The following LRP1B variants were observed in gnomAD, a reference collection of about 807,000 sequenced individuals.
The protein encoded by LRP1B is low-density lipoprotein receptor-related protein 1B.
In LRP1B, 217 loss-of-function variants were observed where a neutral mutation model predicts 556.6. That is an observed-to-expected ratio of 0.39 (90% CI 0.35 to 0.44). LRP1B has a LOEUF of 0.44. Ranked by LOEUF, LRP1B falls within the 20% of genes least tolerant of loss-of-function variation. The probability of loss-of-function intolerance (pLI) is 1.00; values close to 1 mark genes in which losing one functional copy is unlikely to be tolerated. For missense variants in LRP1B, 5,053 were observed against 5,620.8 expected (o/e 0.90, Z 3.23); for synonymous variants, 2,047 against 1,865.8 (o/e 1.10, Z -2.50).
At chr2:141,299,714 TC>T (rs1463211451) in intron 3 of LRP1B, among the ~76,000 whole-genome samples, 1 of 152,216 alleles carries the variant, frequency 6.6e-6, no homozygotes, top group Non-Finnish European at 1.5e-5. Flanking sequence ...TTCAAAAAAC[TC>T]ATTCTAAAAT....
chr2:141,222,172 T>C (rs1332941023), intron 6 of LRP1B, among the ~76,000 whole-genome samples: 1 of 151,894 alleles, frequency 6.6e-6, no homozygotes, highest in Non-Finnish European at 1.5e-5. Context: ...GAAAAGAGAA[T>C]ATTCAAATAG....
At chr2:141,564,762 A>G (rs948528987) in intron 2 of LRP1B, among the ~76,000 whole-genome samples, 6 of 152,136 alleles carry the variant, frequency 3.9e-5, no homozygotes, top group African/African-American at 1.4e-4. Context: ...TCGAACAGAG[A>G]ACAATGTAAA....
chr2:142,116,709 A>C (rs1707288926), intron 1 of LRP1B, among the ~76,000 whole-genome samples: 1 of 152,184 alleles, frequency 6.6e-6, no homozygotes, highest in Admixed American at 6.6e-5. Context: ...TTAGACTTAC[A>C]AATTTTCTGT....
rs1700564107 is a variant in LRP1B, at chr2:141,104,783, T to C, written c.1014-42510A>G. On this transcript the variant is annotated intron_variant, in intron 7 of 90. Transcript: ENST00000389484. ...CTGAATGAGAATGGTACTCCAGATTTGATATATTCTCCCCTTTCTGGATTT... is the reference window on the plus strand; with the variant it reads ...CTGAATGAGAATGGTACTCCAGATTCGATATATTCTCCCCTTTCTGGATTT... Among the ~76,000 whole-genome samples the C allele has an allele frequency of 2.0e-5, 3 of 152,152 alleles. No homozygotes were observed. In the South Asian group the frequency reaches 6.2e-4, roughly 32 times the overall value.
intron 3 of LRP1B, among the ~76,000 whole-genome samples, chr2:141,316,482 G>A (rs114627693): frequency 0.012 from 1,808 of 152,160 alleles, 39 homozygotes; most frequent in African/African-American, 0.041. Context: ...GTAAATAAAA[G>A]CATTTAAAAA....
intron 83 of LRP1B, among the ~76,000 whole-genome samples, chr2:140,311,063 T>C (rs961903549): frequency 1.3e-5 from 2 of 151,888 alleles, no homozygotes; most frequent in Non-Finnish European, 1.5e-5. Context: ...GGAACACTTA[T>C]ACGCTGTTGG....
intron 1 of LRP1B, among the ~76,000 whole-genome samples, chr2:142,038,839 A>G (rs1184302865): frequency 1.3e-5 from 2 of 151,632 alleles, no homozygotes; most frequent in Admixed American, 6.6e-5. Context: ...TTTGGTGTTC[A>G]TCTAATCATT....
intron 1 of LRP1B, among the ~76,000 whole-genome samples, chr2:141,877,195 T>C (rs1307634418): frequency 6.6e-6 from 1 of 151,982 alleles, no homozygotes; most frequent in Non-Finnish European, 1.5e-5. Context: ...GTGTTAAACA[T>C]TAGTTTTTTT....
intron 1 of LRP1B, among the ~76,000 whole-genome samples, chr2:142,001,143 G>A (rs534069373): frequency 5.3e-5 from 8 of 152,068 alleles, no homozygotes; most frequent in Admixed American, 6.6e-5. Flanking sequence ...CCCCAACCCC[G>A]TGGAACTGCA....
At chr2:141,280,227 C>T (rs2105385991) in intron 3 of LRP1B, among the ~76,000 whole-genome samples, 1 of 152,144 alleles carries the variant, frequency 6.6e-6, no homozygotes, top group South Asian at 2.1e-4. Context: ...ACCACATAGT[C>T]CCAAGAGACA....
intron 80 of LRP1B, among the ~76,000 whole-genome samples, chr2:140,325,215 A>C (rs1227628489): frequency 6.6e-6 from 1 of 152,030 alleles, no homozygotes; most frequent in Admixed American, 6.6e-5. Context: ...GAGACAGTAA[A>C]AAATAGGAGC....
intron 2 of LRP1B, among the ~76,000 whole-genome samples, chr2:141,715,189 C>T (rs532499726): frequency 6.5e-4 from 99 of 152,150 alleles, no homozygotes; most frequent in African/African-American, 2.3e-3. Context: ...GCAATTTTGC[C>T]GGGCGTGGTG....
At chr2:140,726,484 C>T (rs572156968) in intron 35 of LRP1B, among the ~76,000 whole-genome samples, 2 of 152,214 alleles carry the variant, frequency 1.3e-5, no homozygotes, top group South Asian at 2.1e-4. Context: ...CCTCCACTCC[C>T]GATAAGCTGG....
intron 2 of LRP1B, among the ~76,000 whole-genome samples, chr2:141,784,872 C>T (rs567315170): frequency 6.6e-5 from 10 of 152,056 alleles, no homozygotes; most frequent in East Asian, 3.9e-4. Context: ...ATTTCTTTTA[C>T]GGACTGTGTA....
At chr2:140,703,602 G>GT (rs1424688975) in intron 37 of LRP1B, among the ~76,000 whole-genome samples, 2 of 152,072 alleles carry the variant, frequency 1.3e-5, no homozygotes, top group African/African-American at 2.4e-5. Flanking sequence ...AAAAATTATT[G>GT]TATCTTTTTC....
At chr2:141,487,131 C>T (rs927222318) in intron 2 of LRP1B, among the ~76,000 whole-genome samples, 7 of 152,106 alleles carry the variant, frequency 4.6e-5, no homozygotes, top group African/African-American at 1.7e-4. Flanking sequence ...CCACCTTTTG[C>T]CTGGGAAACA....
intron 3 of LRP1B, among the ~76,000 whole-genome samples, chr2:141,472,090 T>C (rs1194385199): frequency 6.6e-6 from 1 of 152,222 alleles, no homozygotes; most frequent in Non-Finnish European, 1.5e-5. Context: ...AAGAGGCTAG[T>C]ACGTTTGAGA....
At chr2:141,888,167 CTCA>C (rs1574465259) in intron 1 of LRP1B, among the ~76,000 whole-genome samples, 1 of 152,252 alleles carries the variant, frequency 6.6e-6, no homozygotes, top group East Asian at 1.9e-4. Context: ...CTAATTTACT[CTCA>C]TCAAGTATAC....
chr2:140,952,283 T>TCTGGAGCTGC lies in LRP1B; in HGVS notation c.2888-344_2888-343insGCAGCTCCAG, dbSNP rs570185226. Among the ~76,000 whole-genome samples the TCTGGAGCTGC allele has an allele frequency of 1.6e-3, 244 of 152,284 alleles. 1 individual carries two copies. Among genetic ancestry groups the TCTGGAGCTGC allele is most frequent in the African/African-American group, 5.7e-3 (237 of 41,570 alleles). On this transcript the variant is annotated intron_variant, in intron 18 of 90. Transcript: ENST00000389484. ...CAGTGGATAACAGCTATTGGAGCTG[T>TCTGGAGCTGC]ACACTCTGGAGCTGCAAAGTAATGT...
Sources: allele counts gnomAD v4.1 joint callset (sites outside exome capture counted in the v4.1 genomes callset), GRCh38; gene constraint gnomAD v4.1.1; transcripts MANE v1.5; gene names NCBI Gene and HGNC (gene_info 2026-07-23, HGNC 2026-07-21).